Variants in C1orf116 observed in about 807,000 individuals in gnomAD.
C1orf116 encodes chromosome 1 open reading frame 116, also known as specifically androgen-regulated gene protein.
A neutral mutation model predicts 14.1 loss-of-function variants in C1orf116; 12 were observed. The ratio of observed to expected loss-of-function variants is 0.85; its 90% confidence interval spans 0.54 to 1.38. The LOEUF (loss-of-function observed/expected upper bound fraction) is 1.38. Ranked by LOEUF, C1orf116 falls within the 40% of genes most tolerant of loss-of-function variation. C1orf116 has a pLI of 0.00. For synonymous variants in C1orf116, 296 were observed against 299.0 expected (o/e 0.99, Z 0.10); for missense variants, 797 against 747.0 (o/e 1.07, Z -0.78).
chr1:207,022,485 T>A lies in C1orf116; in HGVS notation c.1279A>T (p.Met427Leu). 2 of 1,614,178 alleles carry A rather than the reference T, an allele frequency of 1.2e-6. No individual in the cohort carries two copies. Among genetic ancestry groups the A allele is most frequent in the East Asian group, 2.2e-5 (1 of 44,882 alleles). ...APGPAQGPLP[M>L]KSPAPGNVAA... Reference sequence around the variant, plus strand: ...ACATTGCCTGGAGCTGGAGACTTCATTGGCAAAGGTCCCTGAGCTGGACCT... The same window carrying A: ...ACATTGCCTGGAGCTGGAGACTTCAATGGCAAAGGTCCCTGAGCTGGACCT... Residue 427 changes from methionine (M) to leucine (L), a missense_variant, in exon 4 of 4, where the codon ATG becomes TTG. Coordinates refer to ENST00000359470, the MANE Select transcript of C1orf116 (RefSeq NM_023938.6).
rs917152257 is a variant in C1orf116, at chr1:207,018,773, C to G, written c.*3185G>C. On this transcript the variant is annotated 3_prime_UTR_variant, in exon 4 of 4. Transcript: ENST00000359470. ...CTGGGGAAAAGAGCCTAGATGTGTTCTATCTGCATTCCTGCTTAGATTCTG... is the reference window on the plus strand; with the variant it reads ...CTGGGGAAAAGAGCCTAGATGTGTTGTATCTGCATTCCTGCTTAGATTCTG... The G allele has an allele frequency of 2.0e-5, 3 of 152,242 alleles. No homozygotes were observed. The highest frequency in any genetic ancestry group is 4.4e-5 in the Non-Finnish European group (3 of 68,092). 9.4% of individuals were successfully genotyped at this position (152,242 alleles called of 1,614,324 possible).
At chr1:207,032,427 C>T (rs1254585840) in intron 1 of C1orf116, among the ~76,000 whole-genome samples, 152 bp downstream of exon 1, 1 of 152,200 alleles carries the variant, frequency 6.6e-6, no homozygotes, top group Non-Finnish European at 1.5e-5. Flanking sequence ...CTGATCTGAT[C>T]CCAGAATGGA....
Position 207,027,638 on chromosome 1 carries a change from AGAGGGGAAGC to A in C1orf116, c.-50_-41del. On this transcript the variant is annotated 5_prime_UTR_variant, in exon 2 of 4. Transcript: ENST00000359470. ...TGCAGGGATGGCAAAGGGGGCTTCTAGAGGGGAAGCGAGGGGAAGTGAACAATGTCCCAAG... is the reference window on the plus strand; with the variant it reads ...TGCAGGGATGGCAAAGGGGGCTTCTAGAGGGGAAGTGAACAATGTCCCAAG... 1.2e-6 allele frequency: 2 copies of A among 1,605,018 alleles called. No individual in the cohort carries two copies. Among genetic ancestry groups the A allele is most frequent in the South Asian group, 1.1e-5 (1 of 91,050 alleles).
At chr1:207,027,472 C>T (rs371796862) in intron 2 of C1orf116, 22 bp downstream of exon 2, 19 of 1,613,076 alleles carry the variant, frequency 1.2e-5, no homozygotes, top group East Asian at 1.1e-4. Context: ...GACCAGGTTG[C>T]GGGAGGGAGA....
At position 207,022,793 on chromosome 1, in the gene C1orf116, C is replaced by T. The variant is rs770424183; in HGVS notation, c.971G>A (p.Arg324His). The change falls in exon 4 of 4, where the codon CGC becomes CAC. Residue 324 changes from arginine (R) to histidine (H), a missense_variant. Arg to His is a conservative substitution (Grantham distance 29). Transcript: ENST00000359470. Reference protein sequence around the residue: ...FHSDPQHWLSRHTEAAPGDSG... With the variant: ...FHSDPQHWLSHHTEAAPGDSG... ...ATCTCCAGGGGCAGCCTCAGTGTGG[C>T]GGGACAGCCAGTGCTGGGGGTCACT... The T allele has an allele frequency of 1.5e-5, 24 of 1,614,036 alleles. No individual in the cohort carries two copies. In the South Asian group the frequency reaches 1.5e-4, roughly 10 times the overall value.
rs190635695 is a variant in C1orf116 at position 207,022,722 on chromosome 1, T to G, written c.1042A>C (p.Lys348Gln). The part of the protein sequence containing the change: ...CSLQEQRKAR[K>Q]EALEKLGLPQ... ...AGCCCCAGCTTCTCTAGAGCTTCTT[T>G]ACGTGCTTTTCTCTGCTCTTGCAGT... Residue 348 changes from lysine (K) to glutamine (Q), a missense_variant, in exon 4 of 4, where the codon AAA becomes CAA. Transcript: ENST00000359470. 13 of 1,614,202 alleles carry G rather than the reference T, an allele frequency of 8.1e-6. 1 individual carries two copies. Among genetic ancestry groups the G allele is most frequent in the Non-Finnish European group, 1.0e-5 (12 of 1,180,030 alleles).
intron 2 of C1orf116, among the ~76,000 whole-genome samples, chr1:207,025,703 C>T (rs181497808): frequency 5.6e-4 from 86 of 152,236 alleles, no homozygotes; most frequent in Admixed American, 1.4e-3. Context: ...GCATTCCATA[C>T]GGGAATTTTT....
chr1:207,025,173 G>T, intron 2 of C1orf116, 109 bp from the exon 3 acceptor site: 1 of 843,424 alleles, frequency 1.2e-6, no homozygotes, highest in Non-Finnish European at 1.9e-6. Flanking sequence ...CGCAGAAACT[G>T]GCGGGGCCTG....
chr1:207,031,062 C>A (rs964327678), intron 1 of C1orf116, among the ~76,000 whole-genome samples: 4 of 152,180 alleles, frequency 2.6e-5, no homozygotes, highest in African/African-American at 7.2e-5. Context: ...ACGAACCCCC[C>A]ACATGTCCTC....
In C1orf116 at chr1:207,019,618, T is replaced by C. The variant is rs548777065; in HGVS notation, c.*2340A>G. Reference sequence around the variant, plus strand: ...TGGGCCCTCTTGCATCTCTTCAAAATGGGAATGACCAAGTTTGGATTTATT... The same window carrying C: ...TGGGCCCTCTTGCATCTCTTCAAAACGGGAATGACCAAGTTTGGATTTATT... On this transcript the variant is annotated 3_prime_UTR_variant, in exon 4 of 4. Coordinates refer to ENST00000359470, the MANE Select transcript of C1orf116 (RefSeq NM_023938.6). 2 of 152,310 alleles carry C rather than the reference T, an allele frequency of 1.3e-5. No individual in the cohort carries two copies. The highest frequency in any genetic ancestry group is 4.2e-4 in the South Asian group (2 of 4,816). The allele number at this position is 152,310 out of a possible 1,614,324, so 9.4% of individuals were successfully genotyped here.
At position 207,023,408 on chromosome 1, in the gene C1orf116, G is replaced by A. The variant is rs763617289; in HGVS notation, c.356C>T (p.Pro119Leu). 6.2e-7 allele frequency: 1 copy of A among 1,614,016 alleles called. No homozygotes were observed. Residue 119 changes from proline (P) to leucine (L), a missense_variant, in exon 4 of 4, where the codon CCT (proline) becomes CTT (leucine). By Grantham distance (98) the Pro-to-Leu change is moderately conservative. Coordinates refer to ENST00000359470, the MANE Select transcript of C1orf116 (RefSeq NM_023938.6). ...RTVTESSSSHPPEPQGLGLRS... is the reference protein window; with the variant it reads ...RTVTESSSSHLPEPQGLGLRS... ...GAGGCCTAGGCCCTGGGGCTCAGGAGGGTGGGATGAGCTGGACTCAGTTAC... is the reference window on the plus strand; with the variant it reads ...GAGGCCTAGGCCCTGGGGCTCAGGAAGGTGGGATGAGCTGGACTCAGTTAC...
chr1:207,024,060 T>C (rs570260347), intron 3 of C1orf116, among the ~76,000 whole-genome samples: 2 of 152,318 alleles, frequency 1.3e-5, no homozygotes, highest in South Asian at 4.1e-4. Context: ...TGCCTTCTAC[T>C]TGCACTTTCT....
chr1:207,028,198 A>G (rs1682140939), intron 1 of C1orf116, among the ~76,000 whole-genome samples: 2 of 152,222 alleles, frequency 1.3e-5, no homozygotes, highest in African/African-American at 4.8e-5. Context: ...ATTAACTATT[A>G]TTGTTCTTGT....
intron 2 of C1orf116, among the ~76,000 whole-genome samples, chr1:207,025,719 T>C (rs1682057587): frequency 6.6e-6 from 1 of 152,236 alleles, no homozygotes; most frequent in African/African-American, 2.4e-5. Flanking sequence ...TTTTTCCCCT[T>C]GTACATTTAC....
rs754877552 is a variant in C1orf116, at chr1:207,023,502, TAAAAGAGTGGACAGA to T, written c.284-37_284-23del. ...CCTCCTGTGAGGGTCAGAAAGAACA[TAAAAGAGTGGACAGA>T]AAAAGAGTGGACAGAGGTGAGGGCC... On this transcript the variant is annotated intron_variant, in intron 3 of 3. Coordinates refer to ENST00000359470, the MANE Select transcript of C1orf116 (RefSeq NM_023938.6). The T allele has an allele frequency of 1.2e-5, 19 of 1,572,422 alleles. No individual in the cohort carries two copies. The Admixed American group carries it at 2.1e-4, about 17-fold the overall frequency.
At chr1:207,030,950 T>C (rs1682225270) in intron 1 of C1orf116, among the ~76,000 whole-genome samples, 1 of 152,226 alleles carries the variant, frequency 6.6e-6, no homozygotes, top group Admixed American at 6.5e-5. Flanking sequence ...GTTCAAGTTC[T>C]GGCATCTGGA....
chr1:207,022,076 C>A lies in C1orf116; in HGVS notation c.1688G>T (p.Gly563Val). The A allele has an allele frequency of 6.2e-7, 1 of 1,611,550 alleles. No homozygotes were observed. ...GCGAGGAAGCTTGTCACGGCTCTGT[C>A]CTTGGTAGGACAGGCGCTTGGAGCT... ...EQSSKRLSYQGQSRDKLPRPP... is the reference protein window; with the variant it reads ...EQSSKRLSYQVQSRDKLPRPP... Residue 563 changes from glycine to valine, a missense_variant, in exon 4 of 4, where the codon GGA becomes GTA. Gly to Val is a moderately radical substitution (Grantham distance 109). Coordinates refer to ENST00000359470, the MANE Select transcript of C1orf116 (RefSeq NM_023938.6).
At chr1:207,029,264 T>C (rs1224509050) in intron 1 of C1orf116, among the ~76,000 whole-genome samples, 2 of 151,794 alleles carry the variant, frequency 1.3e-5, no homozygotes, top group Non-Finnish European at 2.9e-5. Flanking sequence ...GTCCAGATCC[T>C]CCTAGGAGAT....
At chr1:207,025,247 G>C (rs113192563) in intron 2 of C1orf116, among the ~76,000 whole-genome samples, 183 bp from the exon 3 acceptor site, 32 of 152,332 alleles carry the variant, frequency 2.1e-4, no homozygotes, top group African/African-American at 7.2e-4. Flanking sequence ...CTGCTACTCT[G>C]CAAAGCTGCT....
Sources: allele counts gnomAD v4.1 joint callset (sites outside exome capture counted in the v4.1 genomes callset), GRCh38; gene constraint gnomAD v4.1.1; transcripts MANE v1.5; gene names NCBI Gene and HGNC (gene_info 2026-07-23, HGNC 2026-07-21).